LRRC4C: variants seen among roughly 807,000 people sequenced by gnomAD.
The protein encoded by LRRC4C is leucine-rich repeat-containing protein 4C.
LRRC4C carries 5 observed loss-of-function variants against 33.6 expected under a neutral mutation model. That is an observed-to-expected ratio of 0.15 (90% CI 0.08 to 0.31). The LOEUF (loss-of-function observed/expected upper bound fraction) is 0.31, where lower values mean the gene tolerates loss of function less well. Among genes scored for constraint, LRRC4C ranks in the 10% least tolerant of loss-of-function variants. The probability of loss-of-function intolerance (pLI) is 1.00; values close to 1 mark genes in which losing one functional copy is unlikely to be tolerated. For synonymous variants in LRRC4C, 329 were observed against 302.0 expected (o/e 1.09, Z -0.93); for missense variants, 560 against 796.7 (o/e 0.70, Z 3.58).
chr11:40,733,433 C>G (rs902645572), intron 2 of LRRC4C, among the ~76,000 whole-genome samples: 17 of 152,054 alleles, frequency 1.1e-4, no homozygotes, highest in East Asian at 5.8e-4. Flanking sequence ...ATCCTCAGAA[C>G]TATAAAAACA....
intron 1 of LRRC4C, among the ~76,000 whole-genome samples, chr11:40,982,479 C>T (rs957209147): frequency 2.6e-5 from 4 of 151,934 alleles, no homozygotes; most frequent in African/African-American, 9.7e-5. Context: ...ATGAACTAGA[C>T]CAGTGGTTTA....
intron 3 of LRRC4C, among the ~76,000 whole-genome samples, chr11:40,397,600 A>G (rs1317064691): frequency 6.6e-6 from 1 of 152,064 alleles, no homozygotes; most frequent in Non-Finnish European, 1.5e-5. Context: ...GTTGGTGGGT[A>G]AAAAGCATGT....
At chr11:40,340,324 AT>A (rs1176707491) in intron 3 of LRRC4C, among the ~76,000 whole-genome samples, 1 of 152,096 alleles carries the variant, frequency 6.6e-6, no homozygotes, top group Non-Finnish European at 1.5e-5. Flanking sequence ...ATTGGTTAGT[AT>A]TTTTTTGCCT....
intron 2 of LRRC4C, among the ~76,000 whole-genome samples, chr11:40,730,823 C>T (rs1189893479): frequency 1.3e-5 from 2 of 152,150 alleles, no homozygotes; most frequent in Admixed American, 6.6e-5. Flanking sequence ...TAAAGTGAAG[C>T]CCACCTTTTC....
At chr11:41,266,754 C>A (rs1949164061) in intron 1 of LRRC4C, among the ~76,000 whole-genome samples, 1 of 152,044 alleles carries the variant, frequency 6.6e-6, no homozygotes, top group African/African-American at 2.4e-5. Context: ...TTTTTTGGTG[C>A]CAAAATTAGT....
chr11:41,356,787 A>G (rs1952177410), intron 1 of LRRC4C, among the ~76,000 whole-genome samples: 2 of 152,070 alleles, frequency 1.3e-5, no homozygotes, highest in South Asian at 4.1e-4. Context: ...AACTTTCTAC[A>G]ATTTAGCCAA....
intron 6 of LRRC4C, among the ~76,000 whole-genome samples, chr11:40,135,749 A>G (rs1248521714): frequency 6.6e-6 from 1 of 152,216 alleles, no homozygotes; most frequent in African/African-American, 2.4e-5. Flanking sequence ...CGATTCTAAT[A>G]TGGATATTAG....
intron 1 of LRRC4C, among the ~76,000 whole-genome samples, chr11:41,003,888 G>A (rs1485498309): frequency 6.6e-6 from 1 of 151,956 alleles, no homozygotes; most frequent in Non-Finnish European, 1.5e-5. Flanking sequence ...AGAGCCAATA[G>A]AATAAAGCTG....
chr11:41,119,683 CCA>C (rs1942324712), intron 1 of LRRC4C, among the ~76,000 whole-genome samples: 3 of 152,106 alleles, frequency 2.0e-5, no homozygotes. Flanking sequence ...ATGTTTGCTA[CCA>C]GGCAGTCTCA....
chr11:40,422,257 C>T (rs1236585774), intron 3 of LRRC4C, among the ~76,000 whole-genome samples: 2 of 152,022 alleles, frequency 1.3e-5, no homozygotes, highest in Non-Finnish European at 2.9e-5. Context: ...CTTCTTGTCC[C>T]CTACGTAATT....
intron 3 of LRRC4C, among the ~76,000 whole-genome samples, chr11:40,472,749 A>C (rs1953007926): frequency 6.6e-6 from 1 of 152,122 alleles, no homozygotes; most frequent in South Asian, 2.1e-4. Context: ...AATCAAATAG[A>C]CACAATAAAA....
chr11:41,301,403 T>C (rs1378925961), intron 1 of LRRC4C, among the ~76,000 whole-genome samples: 1 of 152,160 alleles, frequency 6.6e-6, no homozygotes, highest in Non-Finnish European at 1.5e-5. Flanking sequence ...TTGATGGGGG[T>C]GGGAAAAACC....
intron 1 of LRRC4C, among the ~76,000 whole-genome samples, chr11:41,217,174 C>T (rs1947098436): frequency 6.6e-6 from 1 of 152,130 alleles, no homozygotes; most frequent in African/African-American, 2.4e-5. Flanking sequence ...TATAACAACA[C>T]CGCGTAGTTC....
At chr11:40,956,990 C>A (rs571000403) in intron 1 of LRRC4C, among the ~76,000 whole-genome samples, 70 of 151,786 alleles carry the variant, frequency 4.6e-4, no homozygotes, top group African/African-American at 1.6e-3. Flanking sequence ...TTAATGAAAG[C>A]AATGTTTAGT....
chr11:41,124,064 C>G (rs1193198531), intron 1 of LRRC4C, among the ~76,000 whole-genome samples: 1 of 152,120 alleles, frequency 6.6e-6, no homozygotes, highest in Non-Finnish European at 1.5e-5. Flanking sequence ...CTGCTGGTTT[C>G]TTTTGGTGAA....
At chr11:41,002,153 T>C (rs1854427432) in intron 1 of LRRC4C, among the ~76,000 whole-genome samples, 1 of 152,334 alleles carries the variant, frequency 6.6e-6, no homozygotes, top group Non-Finnish European at 1.5e-5. Context: ...TTAACAGTTG[T>C]TATCCAATAA....
chr11:41,067,816 A>T (rs1938368163), intron 1 of LRRC4C, among the ~76,000 whole-genome samples: 1 of 152,312 alleles, frequency 6.6e-6, no homozygotes, highest in African/African-American at 2.4e-5. Context: ...GGGGGTAAAT[A>T]AGGAAATTAA....
intron 1 of LRRC4C, among the ~76,000 whole-genome samples, chr11:41,189,043 A>G (rs911818276): frequency 6.6e-6 from 1 of 152,084 alleles, no homozygotes; most frequent in Non-Finnish European, 1.5e-5. Flanking sequence ...TTGTTCACCT[A>G]TGGTCAAAAG....
intron 4 of LRRC4C, among the ~76,000 whole-genome samples, chr11:40,255,192 C>CT (rs1867107785): frequency 6.6e-6 from 1 of 152,084 alleles, no homozygotes; most frequent in African/African-American, 2.4e-5. Flanking sequence ...TAGGACTATA[C>CT]TTTTATACCT....
Sources: allele counts gnomAD v4.1 joint callset (sites outside exome capture counted in the v4.1 genomes callset), GRCh38; gene constraint gnomAD v4.1.1; transcripts MANE v1.5; gene names NCBI Gene and HGNC (gene_info 2026-07-23, HGNC 2026-07-21).